The following P4HA2 variants were observed in gnomAD, a reference collection of about 807,000 sequenced individuals.
The protein encoded by P4HA2 is prolyl 4-hydroxylase subunit alpha-2.
Under a neutral mutation model 76.9 loss-of-function variants are expected in P4HA2, and 46 were observed. The observed-to-expected ratio is 0.60, with a 90% CI of 0.47 to 0.76. The LOEUF (loss-of-function observed/expected upper bound fraction) is 0.76. P4HA2 is among the 30% of genes least tolerant of loss of function. P4HA2 has a pLI of 0.00. For synonymous variants in P4HA2, 243 were observed against 254.0 expected (o/e 0.96, Z 0.41); for missense variants, 583 against 669.4 (o/e 0.87, Z 1.42).
chr5:132,195,034 A>G lies in P4HA2; in HGVS notation c.1435-12T>C. 6.4e-7 allele frequency: 1 copy of G among 1,565,572 alleles called. No homozygotes were observed. Among genetic ancestry groups the G allele is most frequent in the Non-Finnish European group, 8.8e-7 (1 of 1,135,614 alleles). The stretch of plus-strand genomic sequence containing the variant: ...AACACAGCTGTACCCTGGGAAAGAG[A>G]TGGCCTTTCAGAACACATTCTTAAG... On this transcript the variant is annotated splice_polypyrimidine_tract_variant and intron_variant, in intron 13 of 14. Transcript: ENST00000360568.
intron 2 of P4HA2, among the ~76,000 whole-genome samples, chr5:132,218,221 G>C (rs1183004398): frequency 6.6e-6 from 1 of 152,196 alleles, no homozygotes; most frequent in African/African-American, 2.4e-5. Context: ...GATAGGAAAA[G>C]CTTGATCCTC....
intron 12 of P4HA2, among the ~76,000 whole-genome samples, chr5:132,196,598 C>T (rs1157420624): frequency 1.4e-4 from 21 of 152,276 alleles, no homozygotes; most frequent in African/African-American, 3.9e-4. Context: ...TGGTGGCTCA[C>T]GCCTGTAATG....
At chr5:132,225,637 CCT>C (rs1187148669) in intron 1 of P4HA2, among the ~76,000 whole-genome samples, 1 of 152,230 alleles carries the variant, frequency 6.6e-6, no homozygotes, top group Non-Finnish European at 1.5e-5. Flanking sequence ...TCGGCCACCT[CCT>C]CTCTCTCGTC....
chr5:132,218,741 T>C (rs759435789), intron 1 of P4HA2, 97 bp from the exon 2 acceptor site: 1 of 694,754 alleles, frequency 1.4e-6, no homozygotes, highest in Non-Finnish European at 2.5e-6. Context: ...ATGCAGATAA[T>C]CAAACATATC....
Position 132,210,365 on chromosome 5 carries a change from G to A in P4HA2, c.628C>T (p.Leu210=). 3.7e-6 allele frequency: 6 copies of A among 1,614,100 alleles called. No individual in the cohort carries two copies. The highest frequency in any genetic ancestry group is 5.1e-6 in the Non-Finnish European group (6 of 1,180,000). ...EEATTTKSQV[L]DYLSYAVFQL... ...AAGACAGCATAGCTGAGGTAGTCCA[G>A]CACCTGTGACTTGGTTGTGGTGGCC... Residue 210 remains leucine (L), a synonymous_variant, in exon 6 of 15, where the codon CTG becomes TTG. Coordinates refer to ENST00000360568, the MANE Select transcript of P4HA2 (RefSeq NM_001017974.2).
At chr5:132,200,658 G>A (rs1276951555) in intron 10 of P4HA2, 2 of 152,190 alleles carry the variant, frequency 1.3e-5, no homozygotes, top group Admixed American at 6.5e-5. Context: ...CAAGTACTGA[G>A]TTACAGATGT....
At chr5:132,198,097 C>A in intron 12 of P4HA2, 1 of 1,523,766 alleles carries the variant, frequency 6.6e-7, no homozygotes, top group Non-Finnish European at 8.8e-7. Context: ...CCAGAAGGAC[C>A]TGACCATTAC....
In P4HA2 at chr5:132,210,388, G is replaced by C; in HGVS notation, c.605C>G (p.Ala202Gly). The C allele has an allele frequency of 3.7e-6, 6 of 1,614,048 alleles. No homozygotes were observed. Among genetic ancestry groups the C allele is most frequent in the Non-Finnish European group, 5.1e-6 (6 of 1,179,988 alleles). The change falls in exon 6 of 15, where the codon GCC becomes GGC. Residue 202 changes from alanine to glycine, a missense_variant. Physicochemically the swap from Ala to Gly is moderately conservative, Grantham distance 60 (BLOSUM62 0). Transcript: ENST00000360568. ...VLKQLDAGEE[A>G]TTTKSQVLDY... Reference sequence around the variant, plus strand: ...CAGCACCTGTGACTTGGTTGTGGTGGCCTCCTCCCCGGCATCAAGCTGCTT... The same window carrying C: ...CAGCACCTGTGACTTGGTTGTGGTGCCCTCCTCCCCGGCATCAAGCTGCTT...
intron 1 of P4HA2, among the ~76,000 whole-genome samples, chr5:132,221,388 A>G (rs1452189606): frequency 6.6e-6 from 1 of 152,236 alleles, no homozygotes; most frequent in Non-Finnish European, 1.5e-5. Context: ...CATACCAGGA[A>G]CACAACAAAA....
In P4HA2 at chr5:132,209,124, C is replaced by T. The variant is rs200518215; in HGVS notation, c.903+14G>A. On this transcript the variant is annotated intron_variant, in intron 7 of 14. Coordinates refer to ENST00000360568, the MANE Select transcript of P4HA2 (RefSeq NM_001017974.2). The stretch of plus-strand genomic sequence containing the variant: ...TCCACAGCTTTGGCACCCTAGCCCC[C>T]TCACACATCTCACCAGTTTGACACC... 2 of 1,602,174 alleles carry T rather than the reference C, an allele frequency of 1.2e-6. No homozygotes were observed. Among genetic ancestry groups the T allele is most frequent in the African/African-American group, 2.7e-5 (2 of 74,590 alleles).
At chr5:132,213,071 G>A (rs1310497225) in intron 5 of P4HA2, among the ~76,000 whole-genome samples, 1 of 152,158 alleles carries the variant, frequency 6.6e-6, no homozygotes, top group Non-Finnish European at 1.5e-5. Flanking sequence ...AGTGGGAGAG[G>A]GGCCACTTGA....
Position 132,210,305 on chromosome 5 carries a change from T to A in P4HA2, c.688A>T (p.Thr230Ser). The A allele has an allele frequency of 6.2e-7, 1 of 1,613,948 alleles. No individual in the cohort carries two copies. Among genetic ancestry groups the A allele is most frequent in the South Asian group, 1.1e-5 (1 of 91,062 alleles). The change falls in exon 6 of 15, where the codon ACC (threonine) becomes TCC (serine). Residue 230 changes from threonine to serine, a missense_variant. By Grantham distance (58) the Thr-to-Ser change is moderately conservative. Transcript: ENST00000360568. ...LGDLHRALEL[T>S]RRLLSLDPSH... Reference sequence around the variant, plus strand: ...TTACCAAGGGAGAGCAGGCGGCGGGTGAGCTCCAGGGCACGGTGCAGATCA... The same window carrying A: ...TTACCAAGGGAGAGCAGGCGGCGGGAGAGCTCCAGGGCACGGTGCAGATCA...
At chr5:132,224,465 G>A (rs1471933365) in intron 1 of P4HA2, among the ~76,000 whole-genome samples, 2 of 152,380 alleles carry the variant, frequency 1.3e-5, no homozygotes, top group East Asian at 3.9e-4. Flanking sequence ...ACCTGAGGCA[G>A]CCAGCTGCCC....
intron 10 of P4HA2, among the ~76,000 whole-genome samples, chr5:132,203,170 T>G (rs1358971881): frequency 2.0e-5 from 3 of 152,240 alleles, no homozygotes; most frequent in Admixed American, 6.5e-5. Context: ...CTGTCCATTT[T>G]GAGGATTGCT....
At chr5:132,227,212 G>T (rs907109191) in intron 1 of P4HA2, 3 of 152,276 alleles carry the variant, frequency 2.0e-5, no homozygotes, top group African/African-American at 4.8e-5. Flanking sequence ...ATTATCACGG[G>T]TCTCCGCAGC....
intron 14 of P4HA2, among the ~76,000 whole-genome samples, chr5:132,194,662 A>G (rs73261838): frequency 0.043 from 6,568 of 152,234 alleles, 239 homozygotes; most frequent in East Asian, 0.099. Flanking sequence ...AGGGTCCTGG[A>G]CCTATGGTGC....
chr5:132,214,686 C>G (rs1226648963), intron 4 of P4HA2, among the ~76,000 whole-genome samples: 2 of 152,058 alleles, frequency 1.3e-5, no homozygotes, highest in Non-Finnish European at 2.9e-5. Context: ...CCTAGACAGG[C>G]CAAGGACCAA....
In P4HA2 at chr5:132,209,770, CAAAAAAAAAA is replaced by C. The variant is rs10656798; in HGVS notation, c.710-449_710-440del. Among the ~76,000 whole-genome samples the C allele has an allele frequency of 4.2e-5, 4 of 95,100 alleles. No individual in the cohort carries two copies. The Admixed American group carries it at 4.8e-4, about 11-fold the overall frequency. The allele number at this position is 95,100 out of a possible 152,430, so 62.4% of individuals were successfully genotyped here. On this transcript the variant is annotated intron_variant, in intron 6 of 14. Coordinates refer to ENST00000360568, the MANE Select transcript of P4HA2 (RefSeq NM_001017974.2). ...AGGCTGGATGAGTGAGACTCTGTCT[CAAAAAAAAAA>C]AAAAAAAAAGGTAGATGAGTTTTAA...
intron 1 of P4HA2, among the ~76,000 whole-genome samples, chr5:132,220,827 G>A (rs1173754431): frequency 1.3e-5 from 2 of 152,172 alleles, no homozygotes; most frequent in South Asian, 2.1e-4. Context: ...AGAATCACAG[G>A]TAATTACAGA....
Sources: gnomAD v4.1 joint callset for allele counts (sites outside exome capture counted in the v4.1 genomes callset) on GRCh38, gnomAD v4.1.1 for gene constraint, MANE v1.5 for transcripts, NCBI Gene and HGNC (gene_info 2026-07-23, HGNC 2026-07-21) for gene names.